NALCN: variants seen among roughly 807,000 people sequenced by gnomAD.
NALCN encodes sodium leak channel, non-selective.
In NALCN, 111 loss-of-function variants were observed where a neutral mutation model predicts 225.3. The observed-to-expected ratio is 0.49, with a 90% confidence interval of 0.42 to 0.58. NALCN has a LOEUF of 0.58. NALCN is among the 20% of genes least tolerant of loss of function. The pLI is 0.00. For missense variants in NALCN, 1,378 were observed against 2,202.4 expected (o/e 0.63, Z 7.49); for synonymous variants, 764 against 769.0 (o/e 0.99, Z 0.11).
intron 15 of NALCN, among the ~76,000 whole-genome samples, chr13:101,153,105 A>G (rs1023759319): frequency 1.3e-5 from 2 of 152,188 alleles, no homozygotes; most frequent in African/African-American, 4.8e-5. Flanking sequence ...TAAAAACAGT[A>G]AAAAACAAAG....
intron 1 of NALCN, among the ~76,000 whole-genome samples, chr13:101,404,737 T>C (rs569374032): frequency 6.6e-6 from 1 of 152,366 alleles, no homozygotes; most frequent in South Asian, 2.1e-4. Flanking sequence ...TTTTTAAATC[T>C]AGCCATATTC....
At chr13:101,291,855 C>T in intron 9 of NALCN, 135 bp downstream of exon 9, 1 of 862,842 alleles carries the variant, frequency 1.2e-6, no homozygotes, top group Non-Finnish European at 1.8e-6. Flanking sequence ...TGACTGGCAA[C>T]TGTATTTTTA....
intron 15 of NALCN, among the ~76,000 whole-genome samples, chr13:101,164,274 G>C (rs1054270066): frequency 6.6e-6 from 1 of 151,962 alleles, no homozygotes; most frequent in African/African-American, 2.4e-5. Context: ...AAATCCAGTT[G>C]GCTGTTTCTA....
chr13:101,213,145 C>T (rs1298715572), intron 13 of NALCN, among the ~76,000 whole-genome samples: 1 of 151,654 alleles, frequency 6.6e-6, no homozygotes. Context: ...TAATACCACA[C>T]ATCTACAACC....
chr13:101,057,949 A>G lies in NALCN; in HGVS notation c.5013T>C (p.Arg1671=). The G allele has an allele frequency of 6.2e-7, 1 of 1,612,432 alleles. No homozygotes were observed. Among genetic ancestry groups the G allele is most frequent in the African/African-American group, 1.3e-5 (1 of 75,014 alleles). ...CCTGGATGGACCTACCTGAGGGCAG[A>G]CGCCACTGCCCAAATTTCCTCTGGG... is the stretch of plus-strand genomic sequence containing the variant. The part of the protein sequence containing the change: ...GKPQRKFGQW[R]LPSAPKPISH... Residue 1671 remains arginine, a synonymous_variant, in exon 43 of 44, where the codon CGT becomes CGC. Transcript: ENST00000251127.
chr13:101,123,937 C>T (rs1010369406), intron 18 of NALCN, among the ~76,000 whole-genome samples: 16 of 152,186 alleles, frequency 1.1e-4, no homozygotes, highest in Admixed American at 2.6e-4. Flanking sequence ...GCCTTGCGAG[C>T]GATCCTACCT....
In NALCN at chr13:101,160,882, T is replaced by C. The variant is rs143549143; in HGVS notation, c.1839+15418A>G. Among the ~76,000 whole-genome samples, 393 of 152,260 alleles carry C rather than the reference T, an allele frequency of 2.6e-3. 6 individuals are homozygous for C. Among genetic ancestry groups the C allele is most frequent in the Admixed American group, 0.02 (306 of 15,300 alleles). On this transcript the variant is annotated intron_variant, in intron 15 of 43. Coordinates refer to ENST00000251127, the MANE Select transcript of NALCN (RefSeq NM_052867.4). Reference sequence around the variant, plus strand: ...ACCAAATCTGTTCTTATTGATCAAGTTTTGAACCTGAGATACAGAAAATGT... The same window carrying C: ...ACCAAATCTGTTCTTATTGATCAAGCTTTGAACCTGAGATACAGAAAATGT...
At chr13:101,314,119 C>T (rs1475059665) in intron 7 of NALCN, among the ~76,000 whole-genome samples, 1 of 131,998 alleles carries the variant, frequency 7.6e-6, no homozygotes, top group Non-Finnish European at 1.5e-5. Flanking sequence ...AATGAGAACA[C>T]ATGGACACAG....
chr13:101,286,102 C>T (rs900227406), intron 9 of NALCN, among the ~76,000 whole-genome samples: 2 of 152,026 alleles, frequency 1.3e-5, no homozygotes, highest in Non-Finnish European at 2.9e-5. Context: ...CTCTTTAATC[C>T]CCTGAATTAT....
intron 15 of NALCN, among the ~76,000 whole-genome samples, chr13:101,156,699 T>C (rs1342505410): frequency 2.0e-5 from 3 of 152,188 alleles, no homozygotes; most frequent in Non-Finnish European, 4.4e-5. Context: ...TCATTTTCTA[T>C]AGAAAATTCC....
chr13:101,107,621 A>G lies in NALCN; in HGVS notation c.2457-12T>C. 6.2e-7 allele frequency: 1 copy of G among 1,614,058 alleles called. No individual in the cohort carries two copies. The highest frequency in any genetic ancestry group is 8.5e-7 in the Non-Finnish European group (1 of 1,179,940). On this transcript the variant is annotated splice_polypyrimidine_tract_variant and intron_variant, in intron 21 of 43. Transcript: ENST00000251127. ...CTTCTTGCACTTTCCTTGAAGGAGA[A>G]ATTCATGGGAGAATGAGGCTAAGGG...
chr13:101,312,037 A>C (rs1251549933), intron 7 of NALCN, among the ~76,000 whole-genome samples: 1 of 152,006 alleles, frequency 6.6e-6, no homozygotes, highest in African/African-American at 2.4e-5. Context: ...ACAATTTCAG[A>C]GCCTGTTATT....
chr13:101,145,287 T>A (rs1027673167), intron 15 of NALCN, among the ~76,000 whole-genome samples: 27 of 152,040 alleles, frequency 1.8e-4, no homozygotes, highest in African/African-American at 6.3e-4. Flanking sequence ...TTAAAAACCA[T>A]GAAAAATTTA....
At chr13:101,157,239 C>G (rs535123629) in intron 15 of NALCN, among the ~76,000 whole-genome samples, 2 of 152,284 alleles carry the variant, frequency 1.3e-5, no homozygotes, top group African/African-American at 4.8e-5. Context: ...AGTACACATA[C>G]ATGTATTTCC....
intron 34 of NALCN, 119 bp downstream of exon 34, chr13:101,081,408 G>C: frequency 7.1e-7 from 1 of 1,412,780 alleles, no homozygotes. Flanking sequence ...GCTTTAGGGA[G>C]GTCCATCTAA....
At chr13:101,067,083 T>G (rs918964635) in intron 39 of NALCN, among the ~76,000 whole-genome samples, 2 of 151,870 alleles carry the variant, frequency 1.3e-5, no homozygotes, top group African/African-American at 4.8e-5. Context: ...AGCTGTTCCA[T>G]CTTGTTCACT....
At chr13:101,153,424 C>T (rs2139833257) in intron 15 of NALCN, among the ~76,000 whole-genome samples, 1 of 152,332 alleles carries the variant, frequency 6.6e-6, no homozygotes, top group Non-Finnish European at 1.5e-5. Context: ...ACCTCTCCCT[C>T]TTTCCCCAAT....
rs78222367 is a variant in NALCN at position 101,065,789 on chromosome 13, T to C, written c.4447-228A>G. 5.1e-3 allele frequency among the ~76,000 whole-genome samples: 773 copies of C among 152,274 alleles called. 8 individuals are homozygous for C. The highest frequency in any genetic ancestry group is 0.018 in the African/African-American group (748 of 41,562). Reference sequence around the variant, plus strand: ...TCTGCTGGTGCTTCTCTTTCTGGGATGTCACCACATTGCAGCATTTGGAGT... The same window carrying C: ...TCTGCTGGTGCTTCTCTTTCTGGGACGTCACCACATTGCAGCATTTGGAGT... On this transcript the variant is annotated intron_variant, in intron 39 of 43. Coordinates refer to ENST00000251127, the MANE Select transcript of NALCN (RefSeq NM_052867.4).
intron 18 of NALCN, among the ~76,000 whole-genome samples, chr13:101,122,905 C>T (rs1195091168): frequency 1.3e-5 from 2 of 152,168 alleles, no homozygotes; most frequent in Non-Finnish European, 2.9e-5. Context: ...AAGGCACGGC[C>T]CCATGGGACC....
Sources: gnomAD v4.1 joint callset for allele counts (sites outside exome capture counted in the v4.1 genomes callset) on GRCh38, gnomAD v4.1.1 for gene constraint, MANE v1.5 for transcripts, NCBI Gene and HGNC (gene_info 2026-07-23, HGNC 2026-07-21) for gene names.